CEACAM16: variants seen among roughly 807,000 people sequenced by gnomAD.
CEACAM16 encodes cell adhesion molecule CEACAM16.
Under a neutral mutation model 39.4 loss-of-function variants are expected in CEACAM16, and 30 were observed. The ratio of observed to expected loss-of-function variants is 0.76; its 90% confidence interval spans 0.57 to 1.03. CEACAM16 has a LOEUF of 1.03. Among genes scored for constraint, CEACAM16 ranks in the 50% least tolerant of loss-of-function variants. The probability of loss-of-function intolerance (pLI) is 0.00; values close to 1 mark genes in which losing one functional copy is unlikely to be tolerated. For missense variants in CEACAM16, 521 were observed against 585.3 expected, an observed-to-expected ratio of 0.89 and a Z score of 1.13; for synonymous variants, 262 against 264.9, an observed-to-expected ratio of 0.99 and a Z score of 0.11.
chr19:44,703,766 T>A lies in CEACAM16; in HGVS notation c.382+73T>A, dbSNP rs575937266. 0.017 allele frequency: 14,933 copies of A among 898,286 alleles called. 130 individuals carry two copies. Among genetic ancestry groups the A allele is most frequent in the South Asian group, 0.084 (3,359 of 40,114 alleles). The allele number at this position is 898,286 out of a possible 1,614,324, so 55.6% of individuals were successfully genotyped here. A position where few individuals can be genotyped will look rare whatever the true frequency, so the allele number is the denominator to read the frequency against. On this transcript the variant is annotated intron_variant, in intron 3 of 6. Coordinates refer to ENST00000587331, the MANE Select transcript of CEACAM16 (RefSeq NM_001039213.4). Reference sequence around the variant, plus strand: ...TCTCCTTCTCAATCCTTCTTTTTTTTAAAAAAAAAAAAAATCCAACAAATC... The same window carrying A: ...TCTCCTTCTCAATCCTTCTTTTTTTAAAAAAAAAAAAAAATCCAACAAATC...
At chr19:44,704,455 G>A (rs1420920852) in intron 4 of CEACAM16, among the ~76,000 whole-genome samples, 159 bp downstream of exon 4, 1 of 152,244 alleles carries the variant, frequency 6.6e-6, no homozygotes, top group Non-Finnish European at 1.5e-5. Context: ...CCCTCGCCAG[G>A]TGCAGTGGCT....
intron 6 of CEACAM16, among the ~76,000 whole-genome samples, chr19:44,710,045 C>T (rs1974513981): frequency 6.6e-6 from 1 of 152,342 alleles, no homozygotes; most frequent in Admixed American, 6.5e-5. Flanking sequence ...AGATCATTCC[C>T]CAAGTCTGGA....
chr19:44,710,191 G>A (rs1381778561), intron 6 of CEACAM16, among the ~76,000 whole-genome samples: 1 of 152,224 alleles, frequency 6.6e-6, no homozygotes, highest in African/African-American at 2.4e-5. Flanking sequence ...TCCAGTCACT[G>A]ATCAAACCCT....
chr19:44,710,444 C>T, intron 6 of CEACAM16, 52 bp from the exon 7 acceptor site: 1 of 1,592,322 alleles, frequency 6.3e-7, no homozygotes, highest in Non-Finnish European at 8.6e-7. Flanking sequence ...GGGACCTGGT[C>T]CTCCATCTCT....
At position 44,704,116 on chromosome 19, in the gene CEACAM16, G is replaced by A. The variant is rs374594141; in HGVS notation, c.481G>A (p.Glu161Lys). The A allele has an allele frequency of 1.5e-5, 24 of 1,600,058 alleles. No homozygotes were observed. The highest frequency in any genetic ancestry group is 1.4e-4 in the East Asian group (6 of 43,814). The change falls in exon 4 of 7, where the codon GAG becomes AAG. Residue 161 changes from glutamate (E) to lysine (K), a missense_variant. By Grantham distance (56) the Glu-to-Lys change is moderately conservative. Transcript: ENST00000587331. Reference sequence around the variant, plus strand: ...GTGCAGCAGCCCCAGCCCCACCGCCGAGGTCCGCTGGTTCTTCAACGGTGG... The same window carrying A: ...GTGCAGCAGCCCCAGCCCCACCGCCAAGGTCCGCTGGTTCTTCAACGGTGG... ...LMCSSPSPTA[E>K]VRWFFNGGAL...
At position 44,701,538 on chromosome 19, in the gene CEACAM16, C is replaced by T; in HGVS notation, c.37+45C>T. 2.6e-6 allele frequency: 4 copies of T among 1,543,478 alleles called. No homozygotes were observed. The highest frequency in any genetic ancestry group is 1.2e-5 in the South Asian group (1 of 84,016). On this transcript the variant is annotated intron_variant, in intron 2 of 6. Transcript: ENST00000587331. This position sits in a 1 kb window ranked among gnomAD's most constrained non-coding sequence, Gnocchi z 4.0. ...CCCAGCACCTCAGCCCCCCGAGGAC[C>T]CCAGGGAGGGGAGGGGACCCCCAGT...
In CEACAM16 at chr19:44,703,507, G is replaced by A. The variant is rs978272117; in HGVS notation, c.196G>A (p.Ala66Thr). ...GPTLSVSYLV[A>T]SYIVSTGDET... ...CACACTCAGCGTGTCATACCTGGTGGCCAGCTACATCGTGAGCACAGGCGA... is the reference window on the plus strand; with the variant it reads ...CACACTCAGCGTGTCATACCTGGTGACCAGCTACATCGTGAGCACAGGCGA... The change falls in exon 3 of 7, where the codon GCC (alanine) becomes ACC (threonine). Residue 66 changes from alanine (A) to threonine (T), a missense_variant. Coordinates refer to ENST00000587331, the MANE Select transcript of CEACAM16 (RefSeq NM_001039213.4). The A allele has an allele frequency of 3.7e-6, 6 of 1,613,730 alleles. No homozygotes were observed. The highest frequency in any genetic ancestry group is 1.6e-4 in the Middle Eastern group (1 of 6,062).
At position 44,701,614 on chromosome 19, in the gene CEACAM16, C is replaced by A; in HGVS notation, c.37+121C>A. The A allele has an allele frequency of 1.0e-6, 1 of 989,328 alleles. No individual in the cohort carries two copies. The highest frequency in any genetic ancestry group is 1.5e-6 in the Non-Finnish European group (1 of 650,394). The allele number at this position is 989,328 out of a possible 1,614,324, so 61.3% of individuals were successfully genotyped here. A position where few individuals can be genotyped will look rare whatever the true frequency, so the allele number is the denominator to read the frequency against. The stretch of plus-strand genomic sequence containing the variant: ...AGTCCAGCGTGCTAGGGAGGGAGGG[C>A]AGCCCTGCTTCACACCGGCAGTTTA... On this transcript the variant is annotated intron_variant, in intron 2 of 6. Transcript: ENST00000587331. This position sits in a 1 kb window ranked among gnomAD's most constrained non-coding sequence, Gnocchi z 4.0.
chr19:44,705,632 G>T lies in CEACAM16; in HGVS notation c.704G>T (p.Arg235Leu), dbSNP rs772631690. 6.2e-7 allele frequency: 1 copy of T among 1,610,544 alleles called. No homozygotes were observed. Among genetic ancestry groups the T allele is most frequent in the Non-Finnish European group, 8.5e-7 (1 of 1,177,108 alleles). Residue 235 changes from arginine to leucine, a missense_variant, in exon 5 of 7, where the codon CGC becomes CTC. Coordinates refer to ENST00000587331, the MANE Select transcript of CEACAM16 (RefSeq NM_001039213.4). ...GCCATCCTCCAGGATTCCACCACCC[G>T]CACAGGCTGCACCATCAAAGTTGAC... ...RVAILQDSTT[R>L]TGCTIKVDFN... is the part of the protein sequence containing the mutation.
chr19:44,703,764 T>A lies in CEACAM16; in HGVS notation c.382+71T>A. 3.2e-6 allele frequency: 4 copies of A among 1,249,260 alleles called. No individual in the cohort carries two copies. In the East Asian group the frequency reaches 1.0e-4, roughly 33 times the overall value. The allele number at this position is 1,249,260 out of a possible 1,614,324, so 77.4% of individuals were successfully genotyped here. On this transcript the variant is annotated intron_variant, in intron 3 of 6. Coordinates refer to ENST00000587331, the MANE Select transcript of CEACAM16 (RefSeq NM_001039213.4). ...CATCTCCTTCTCAATCCTTCTTTTTTTTAAAAAAAAAAAAAATCCAACAAA... is the reference window on the plus strand; with the variant it reads ...CATCTCCTTCTCAATCCTTCTTTTTATTAAAAAAAAAAAAAATCCAACAAA...
At chr19:44,700,699 A>T (rs1359014719) in intron 1 of CEACAM16, among the ~76,000 whole-genome samples, 3 of 152,190 alleles carry the variant, frequency 2.0e-5, no homozygotes, top group Non-Finnish European at 4.4e-5. Context: ...AAGCCTCCGA[A>T]TACGCCCATT....
rs1974386264 is a variant in CEACAM16 at position 44,703,552 on chromosome 19, C to T, written c.241C>T (p.His81Tyr). 3.1e-6 allele frequency: 5 copies of T among 1,613,102 alleles called. No individual in the cohort carries two copies. Among genetic ancestry groups the T allele is most frequent in the Non-Finnish European group, 4.2e-6 (5 of 1,179,750 alleles). The change falls in exon 3 of 7, where the codon CAC (histidine) becomes TAC (tyrosine). Residue 81 changes from histidine to tyrosine, a missense_variant. Transcript: ENST00000587331. ...AGGCGATGAGACTCCTGGCCCGGCC[C>T]ACACGGGGCGGGAGGCTGTGCGCCC... ...STGDETPGPA[H>Y]TGREAVRPDG...
intron 2 of CEACAM16, among the ~76,000 whole-genome samples, chr19:44,703,118 AAC>A (rs1239508433): frequency 6.6e-6 from 1 of 152,200 alleles, no homozygotes; most frequent in African/African-American, 2.4e-5. Context: ...GAAGAACAGA[AAC>A]ACAGAGAAAG....
chr19:44,708,310 G>GCTGCTTCCTTCAGC, intron 6 of CEACAM16, 123 bp downstream of exon 6: 3 of 1,017,814 alleles, frequency 2.9e-6, no homozygotes, highest in Non-Finnish European at 4.2e-6. Context: ...CCCCCATCAG[G>GCTGCTTCCTTCAGC]CTGAAGGAAG....
At position 44,705,703 on chromosome 19, in the gene CEACAM16, G is replaced by C. The variant is rs1209916883; in HGVS notation, c.775G>C (p.Glu259Gln). Residue 259 changes from glutamate to glutamine, a missense_variant, in exon 5 of 7, where the codon GAG (glutamate) becomes CAG (glutamine). By Grantham distance (29) the Glu-to-Gln change is conservative. Transcript: ENST00000587331. Reference protein sequence around the residue: ...TLWCVSRSCPEPEYVWTFNGQ... With the variant: ...TLWCVSRSCPQPEYVWTFNGQ... ...GTGGTGCGTGTCCAGGTCCTGCCCA[G>C]AGCCCGAGTATGTGTGGACCTTCAA... The C allele has an allele frequency of 3.1e-6, 5 of 1,613,842 alleles. No individual in the cohort carries two copies. The highest frequency in any genetic ancestry group is 1.3e-5 in the African/African-American group (1 of 74,922).
rs753554376 is a variant in CEACAM16, at chr19:44,705,620, A to G, written c.692A>G (p.Asp231Gly). 29 of 1,608,386 alleles carry G rather than the reference A, an allele frequency of 1.8e-5. No individual in the cohort carries two copies. The South Asian group carries it at 2.7e-4, about 15-fold the overall frequency. The change falls in exon 5 of 7, where the codon GAT becomes GGT. Residue 231 changes from aspartate (D) to glycine (G), a missense_variant. By Grantham distance (94) the Asp-to-Gly change is moderately conservative. Coordinates refer to ENST00000587331, the MANE Select transcript of CEACAM16 (RefSeq NM_001039213.4). ...CCAGAGCGTGTGGCCATCCTCCAGGATTCCACCACCCGCACAGGCTGCACC... is the reference window on the plus strand; with the variant it reads ...CCAGAGCGTGTGGCCATCCTCCAGGGTTCCACCACCCGCACAGGCTGCACC... ...FGPERVAILQDSTTRTGCTIK... is the reference protein window; with the variant it reads ...FGPERVAILQGSTTRTGCTIK...
chr19:44,703,380 T>C lies in CEACAM16; in HGVS notation c.69T>C (p.Ser23=). Residue 23 remains serine, a synonymous_variant, in exon 3 of 7, where the codon TCT becomes TCC. Coordinates refer to ENST00000587331, the MANE Select transcript of CEACAM16 (RefSeq NM_001039213.4). ...TCCTGAATGTGGGGGCCGAGATCTC[T>C]ATCACCCTGGAGCCTGCCCAGCCGA... The part of the protein sequence containing the change: ...ATFLNVGAEI[S]ITLEPAQPSE... 6.2e-7 allele frequency: 1 copy of C among 1,612,990 alleles called. No individual in the cohort carries two copies. The highest frequency in any genetic ancestry group is 8.5e-7 in the Non-Finnish European group (1 of 1,179,390).
At chr19:44,699,451 A>C (rs1217581711) in intron 1 of CEACAM16, 191 bp downstream of exon 1, 1 of 467,232 alleles carries the variant, frequency 2.1e-6, no homozygotes, top group Non-Finnish European at 4.4e-6. Context: ...TTTGAGATGG[A>C]GTTTCACTCT....
In CEACAM16 at chr19:44,708,176, T is replaced by G; in HGVS notation, c.1256T>G (p.Leu419Arg). 1.3e-6 allele frequency: 2 copies of G among 1,572,586 alleles called. No individual in the cohort carries two copies. Among genetic ancestry groups the G allele is most frequent in the Non-Finnish European group, 1.7e-6 (2 of 1,151,888 alleles). Residue 419 changes from leucine to arginine, a missense_variant, in exon 6 of 7, where the codon CTG becomes CGG. Physicochemically the swap from Leu to Arg is moderately radical, Grantham distance 102. Transcript: ENST00000587331. Reference sequence around the variant, plus strand: ...AAGACTGAGACACTGGAAGTGGAGCTGCAGGTGGCCCGTGAGTGTGTGGGA... The same window carrying G: ...AAGACTGAGACACTGGAAGTGGAGCGGCAGGTGGCCCGTGAGTGTGTGGGA... ...QGKTETLEVELQVAPLG is the reference protein window; with the variant it reads ...QGKTETLEVERQVAPLG
Sources: gnomAD v4.1 joint callset for allele counts (sites outside exome capture counted in the v4.1 genomes callset) on GRCh38, gnomAD v4.1.1 for gene constraint, Gnocchi (gnomAD v3.1) non-coding constraint, MANE v1.5 for transcripts, NCBI Gene and HGNC (gene_info 2026-07-23, HGNC 2026-07-21) for gene names.